The following THSD4 variants were observed in gnomAD, a reference collection of about 807,000 sequenced individuals.
The protein encoded by THSD4 is thrombospondin type-1 domain-containing protein 4.
In THSD4, 69 loss-of-function variants were observed where a neutral mutation model predicts 119.0. The observed-to-expected ratio is 0.58, with a 90% CI of 0.48 to 0.71. The LOEUF (loss-of-function observed/expected upper bound fraction) is 0.71, where lower values mean the gene tolerates loss of function less well. Among genes scored for constraint, THSD4 ranks in the 30% least tolerant of loss-of-function variants. THSD4 has a pLI of 0.00. For missense variants in THSD4, 1,393 were observed against 1,391.1 expected (o/e 1.00, Z -0.02); for synonymous variants, 524 against 540.4 (o/e 0.97, Z 0.42).
intron 7 of THSD4, among the ~76,000 whole-genome samples, chr15:71,603,759 A>G (rs2050057531): frequency 6.6e-6 from 1 of 152,124 alleles, no homozygotes; most frequent in South Asian, 2.1e-4. Flanking sequence ...TTTGAATTTG[A>G]CGCAGTGGGC....
intron 7 of THSD4, among the ~76,000 whole-genome samples, chr15:71,512,212 C>T (rs1299962884): frequency 6.6e-6 from 1 of 152,180 alleles, no homozygotes; most frequent in Non-Finnish European, 1.5e-5. Context: ...GCAGCAACTT[C>T]CAATGTTTTG....
At chr15:71,581,435 C>A (rs1295502148) in intron 7 of THSD4, among the ~76,000 whole-genome samples, 1 of 151,890 alleles carries the variant, frequency 6.6e-6, no homozygotes, top group African/African-American at 2.4e-5. Flanking sequence ...ATATTATATT[C>A]CTTATCAGGA....
intron 7 of THSD4, among the ~76,000 whole-genome samples, chr15:71,600,736 T>C (rs977540291): frequency 6.0e-5 from 9 of 150,052 alleles, no homozygotes; most frequent in South Asian, 2.1e-4. Flanking sequence ...CTGTCTTTTT[T>C]TTTCTTTCTT....
chr15:71,189,212 T>C (rs1403630637), intron 3 of THSD4, among the ~76,000 whole-genome samples: 2 of 152,130 alleles, frequency 1.3e-5, no homozygotes, highest in Non-Finnish European at 2.9e-5. Flanking sequence ...CTATATGCAT[T>C]GTTGAGCACC....
At chr15:71,466,955 G>A (rs1288508538) in intron 7 of THSD4, among the ~76,000 whole-genome samples, 1 of 152,182 alleles carries the variant, frequency 6.6e-6, no homozygotes, top group Non-Finnish European at 1.5e-5. Flanking sequence ...TCCCTATCCA[G>A]ACCTCTAATC....
chr15:71,607,051 G>T lies in THSD4; in HGVS notation c.1153-53479G>T, dbSNP rs1003116234. Among the ~76,000 whole-genome samples, 21 of 152,186 alleles carry T rather than the reference G, an allele frequency of 1.4e-4. 1 individual carries two copies. The highest frequency in any genetic ancestry group is 2.4e-5 in the African/African-American group (1 of 41,442). On this transcript the variant is annotated intron_variant, in intron 7 of 17. Coordinates refer to ENST00000261862, the MANE Select transcript of THSD4 (RefSeq NM_024817.3). ...AGATGGGCCAGCTGGGGGCCACATG[G>T]TAAGTTCCATTTGGGGCCTTTGAAG...
chr15:71,263,246 G>T (rs1372563234), intron 6 of THSD4, among the ~76,000 whole-genome samples: 1 of 151,276 alleles, frequency 6.6e-6, no homozygotes, highest in South Asian at 2.1e-4. Flanking sequence ...GAATTAGTTT[G>T]CTGGGGATAA....
At chr15:71,593,682 G>T (rs563021922) in intron 7 of THSD4, among the ~76,000 whole-genome samples, 1 of 152,152 alleles carries the variant, frequency 6.6e-6, no homozygotes, top group African/African-American at 2.4e-5. Flanking sequence ...GATTACAAGA[G>T]CCCAGGAGTT....
At chr15:71,651,471 C>G (rs2051088119) in intron 7 of THSD4, among the ~76,000 whole-genome samples, 1 of 152,190 alleles carries the variant, frequency 6.6e-6, no homozygotes, top group Non-Finnish European at 1.5e-5. Flanking sequence ...CGTTGCCAGC[C>G]TTTTCTCTCA....
intron 7 of THSD4, among the ~76,000 whole-genome samples, chr15:71,559,204 TGGGGC>T (rs2049072296): frequency 2.6e-5 from 4 of 152,074 alleles, no homozygotes; most frequent in Admixed American, 2.6e-4. Context: ...TGTGGAGGGG[TGGGGC>T]ATGGCTGACC....
chr15:71,643,375 C>T (rs1360882891), intron 7 of THSD4, among the ~76,000 whole-genome samples: 7 of 152,116 alleles, frequency 4.6e-5, no homozygotes, highest in Non-Finnish European at 1.0e-4. Flanking sequence ...ACTCATGTCA[C>T]AGGGGCTTGT....
chr15:71,493,940 C>T (rs1269649296), intron 7 of THSD4, among the ~76,000 whole-genome samples: 1 of 152,212 alleles, frequency 6.6e-6, no homozygotes, highest in Non-Finnish European at 1.5e-5. Context: ...TGGGTGGCCC[C>T]AGGACTGGCC....
chr15:71,166,139 A>G (rs1256127477), intron 3 of THSD4, among the ~76,000 whole-genome samples: 1 of 152,032 alleles, frequency 6.6e-6, no homozygotes, highest in Non-Finnish European at 1.5e-5. Flanking sequence ...CCCACTGTGA[A>G]GTTTGCTTAT....
chr15:71,356,406 G>C (rs968564947), intron 6 of THSD4, among the ~76,000 whole-genome samples: 2 of 152,162 alleles, frequency 1.3e-5, no homozygotes, highest in African/African-American at 4.8e-5. Context: ...ATTTTCTCTT[G>C]TTTATTGCCT....
intron 6 of THSD4, among the ~76,000 whole-genome samples, chr15:71,380,743 C>T (rs1290797630): frequency 6.6e-6 from 1 of 150,688 alleles, no homozygotes; most frequent in Non-Finnish European, 1.5e-5. Context: ...GTGAGCCTGG[C>T]AACACATGTC....
chr15:71,702,318 C>T (rs1353746569), intron 8 of THSD4, among the ~76,000 whole-genome samples: 1 of 152,176 alleles, frequency 6.6e-6, no homozygotes, highest in African/African-American at 2.4e-5. Flanking sequence ...TGATTCATTT[C>T]ATCATTTTGA....
intron 7 of THSD4, among the ~76,000 whole-genome samples, chr15:71,534,704 G>A (rs995204374): frequency 1.3e-5 from 2 of 152,104 alleles, no homozygotes; most frequent in Admixed American, 1.3e-4. Flanking sequence ...ACAATTTATG[G>A]CCAGGCACGA....
At chr15:71,620,271 G>T (rs1376399905) in intron 7 of THSD4, among the ~76,000 whole-genome samples, 3 of 152,088 alleles carry the variant, frequency 2.0e-5, no homozygotes, top group Non-Finnish European at 4.4e-5. Context: ...GCTTAATATG[G>T]TGTCTAACAT....
rs758824061 is a variant in THSD4 at position 71,489,605 on chromosome 15, G to A, written c.1152+77782G>A. On this transcript the variant is annotated intron_variant, in intron 7 of 17. Transcript: ENST00000261862. Reference sequence around the variant, plus strand: ...CTGCCTCTAGACTCTCCCCTACTCCGCTTCTCCACATTTCCTCCTCTATAC... The same window carrying A: ...CTGCCTCTAGACTCTCCCCTACTCCACTTCTCCACATTTCCTCCTCTATAC... Among the ~76,000 whole-genome samples, 33 of 152,106 alleles carry A rather than the reference G, an allele frequency of 2.2e-4. 1 individual carries two copies. Among genetic ancestry groups the A allele is most frequent in the Non-Finnish European group, 4.7e-4 (32 of 68,004 alleles).
Sources: gnomAD v4.1 joint callset for allele counts (sites outside exome capture counted in the v4.1 genomes callset) on GRCh38, gnomAD v4.1.1 for gene constraint, MANE v1.5 for transcripts, NCBI Gene and HGNC (gene_info 2026-07-23, HGNC 2026-07-21) for gene names.